Variants in HACL2 observed in about 807,000 individuals in gnomAD.
HACL2 encodes the protein 2-hydroxyacyl-CoA lyase 2.
the HACL2 span, chr19:15,119,970 G>C: frequency 1.3e-6 from 2 of 1,538,130 alleles, no homozygotes; most frequent in Admixed American, 4.0e-5. Context: ...ACACAAAAGA[G>C]AGGCAATTCA....
the HACL2 span, chr19:15,124,233 G>T: frequency 2.8e-3 from 440 of 155,134 alleles, 3 homozygotes; most frequent in South Asian, 5.2e-3. Context: ...AAGGTCAGTG[G>T]CATCACTCCT....
At chr19:15,118,544 G>T in the HACL2 span, among the ~76,000 whole-genome samples, 274 of 152,194 alleles carry the variant, frequency 1.8e-3, no homozygotes, top group African/African-American at 6.3e-3. Flanking sequence ...GGCGTCAATT[G>T]CAAGACCTCT....
the HACL2 span, chr19:15,115,934 G>A: frequency 6.2e-7 from 1 of 1,613,972 alleles, no homozygotes; most frequent in Non-Finnish European, 8.5e-7. Context: ...AGTCGGGAGG[G>A]GACCCAGGAT....
chr19:15,121,249 A>G, the HACL2 span, among the ~76,000 whole-genome samples: 1 of 151,808 alleles, frequency 6.6e-6, no homozygotes, highest in African/African-American at 2.4e-5. Context: ...ACAAAGCGAG[A>G]CTCCGTCTCA....
chr19:15,121,820 A>AT, the HACL2 span, among the ~76,000 whole-genome samples: 1 of 139,392 alleles, frequency 7.2e-6, no homozygotes, highest in Admixed American at 7.0e-5. Flanking sequence ...TTCAAAAAAA[A>AT]AAAAAAAGAA....
chr19:15,123,495 G>A, the HACL2 span: 3 of 1,614,200 alleles, frequency 1.9e-6, no homozygotes, highest in South Asian at 2.2e-5. This position sits in a 1 kb window ranked among gnomAD's most constrained non-coding sequence, Gnocchi z 5.1. Context: ...CCACCGACCA[G>A]CGTGAAGATG....
At chr19:15,119,069 G>A in the HACL2 span, 1 of 1,343,514 alleles carries the variant, frequency 7.4e-7, no homozygotes, top group Non-Finnish European at 1.0e-6. Context: ...AAGTACAATA[G>A]GTGCCCACTA....
the HACL2 span, chr19:15,115,072 G>A: frequency 1.4e-6 from 1 of 697,738 alleles, no homozygotes; most frequent in Non-Finnish European, 2.5e-6. Flanking sequence ...GTGAAGAGGA[G>A]GGTCCAAGAG....
At chr19:15,117,191 A>G in the HACL2 span, 1 of 153,496 alleles carries the variant, frequency 6.5e-6, no homozygotes, top group Non-Finnish European at 1.4e-5. Context: ...CATCCTCAGA[A>G]TGATGAACCA....
At chr19:15,125,193 GC>G in the HACL2 span, 1 of 971,790 alleles carries the variant, frequency 1.0e-6, no homozygotes. Context: ...GTGCGGCCAC[GC>G]CCCCAACCCT....
At chr19:15,122,903 G>T in the HACL2 span, 1 of 1,610,126 alleles carries the variant, frequency 6.2e-7, no homozygotes, top group South Asian at 1.1e-5. The surrounding 1 kb of genome is among the most constrained non-coding windows in gnomAD (Gnocchi z 4.0). Flanking sequence ...TGGGGTGCCC[G>T]ACTGGGCGGC....
At chr19:15,122,818 G>GA in the HACL2 span, 1 of 1,614,010 alleles carries the variant, frequency 6.2e-7, no homozygotes, top group South Asian at 1.1e-5. The surrounding 1 kb of genome is among the most constrained non-coding windows in gnomAD (Gnocchi z 4.0). Context: ...CAGGGACAGG[G>GA]AGGACGCTGA....
At chr19:15,117,021 T>C in the HACL2 span, 15 of 170,116 alleles carry the variant, frequency 8.8e-5, no homozygotes, top group South Asian at 8.3e-4. Context: ...CCTCCTCGCT[T>C]CTGTCCTGGC....
chr19:15,123,533 G>A, the HACL2 span: 8,651 of 1,613,998 alleles, frequency 5.4e-3, 30 homozygotes, highest in Non-Finnish European at 6.7e-3. This position sits in a 1 kb window ranked among gnomAD's most constrained non-coding sequence, Gnocchi z 5.1. Flanking sequence ...CCTCAGCACA[G>A]CGGCCACGTT....
At chr19:15,125,015 G>GA in the HACL2 span, 8 of 1,584,952 alleles carry the variant, frequency 5.0e-6, no homozygotes, top group African/African-American at 1.3e-5. Context: ...GCAGGAAGGA[G>GA]GGGAATAAGC....
At chr19:15,116,373 ACCC>A in the HACL2 span, 4 of 1,613,386 alleles carry the variant, frequency 2.5e-6, no homozygotes, top group Non-Finnish European at 3.4e-6. Context: ...TCTGCCGGGA[ACCC>A]CCTTCCCACA....
the HACL2 span, chr19:15,115,405 C>T: frequency 1.1e-5 from 18 of 1,613,782 alleles, no homozygotes; most frequent in Non-Finnish European, 1.4e-5. Flanking sequence ...CCCGGGCCCC[C>T]AGACCCATGG....
At chr19:15,116,157 T>C in the HACL2 span, 4 of 1,613,304 alleles carry the variant, frequency 2.5e-6, no homozygotes, top group African/African-American at 4.0e-5. Context: ...CTTACCAGGA[T>C]CGAGCCAGCG....
chr19:15,124,920 C>T, the HACL2 span: 8 of 1,602,104 alleles, frequency 5.0e-6, no homozygotes, highest in South Asian at 9.0e-5. Context: ...TTCTGTGCCC[C>T]GCACCTTGTG....
Sources: gnomAD v4.1 joint callset for allele counts (sites outside exome capture counted in the v4.1 genomes callset) on GRCh38, gnomAD v4.1.1 for gene constraint, Gnocchi (gnomAD v3.1) non-coding constraint, MANE v1.5 for transcripts, NCBI Gene and HGNC (gene_info 2026-07-23, HGNC 2026-07-21) for gene names.